DHRS7B: variants seen among roughly 807,000 people sequenced by gnomAD.
DHRS7B encodes the protein peroxisomal reductase activating PPAR-gamma.
DHRS7B carries 24 observed loss-of-function variants against 26.4 expected under a neutral mutation model. The ratio of observed to expected loss-of-function variants is 0.91; its 90% CI spans 0.66 to 1.28. The LOEUF (loss-of-function observed/expected upper bound fraction) is 1.28, where lower values mean the gene tolerates loss of function less well. DHRS7B is among the 50% of genes most tolerant of loss of function. The pLI, the probability that DHRS7B is intolerant of heterozygous loss-of-function variation, is 0.00. For missense variants in DHRS7B, 368 were observed against 419.4 expected (o/e 0.88, Z 1.07); for synonymous variants, 142 against 166.4 (o/e 0.85, Z 1.13).
chr17:21,174,020 C>T (rs1974319217), intron 2 of DHRS7B, among the ~76,000 whole-genome samples: 1 of 152,160 alleles, frequency 6.6e-6, no homozygotes, highest in Non-Finnish European at 1.5e-5. Flanking sequence ...CAGGCCCTTC[C>T]TGGATTCCAG....
intron 1 of DHRS7B, among the ~76,000 whole-genome samples, chr17:21,140,881 G>T (rs1973491981): frequency 6.6e-6 from 1 of 152,036 alleles, no homozygotes; most frequent in Non-Finnish European, 1.5e-5. Context: ...TCGATTATTT[G>T]CTTCCTGCCC....
intron 1 of DHRS7B, among the ~76,000 whole-genome samples, chr17:21,134,427 T>G (rs1216166768): frequency 6.6e-6 from 1 of 152,188 alleles, no homozygotes; most frequent in East Asian, 1.9e-4. Context: ...CCTCTTTAGG[T>G]TCCAAGATAA....
chr17:21,172,256 G>A (rs780518639), intron 2 of DHRS7B, 60 bp downstream of exon 2: 9 of 1,550,192 alleles, frequency 5.8e-6, no homozygotes, highest in Admixed American at 1.9e-5. Flanking sequence ...GATGAGGAGC[G>A]GCCCAGCTGC....
chr17:21,188,090 T>C (rs1001388294), intron 5 of DHRS7B, among the ~76,000 whole-genome samples: 2 of 152,132 alleles, frequency 1.3e-5, no homozygotes, highest in Non-Finnish European at 2.9e-5. Flanking sequence ...GACCTCGTGA[T>C]CCGCTCACCT....
intron 1 of DHRS7B, among the ~76,000 whole-genome samples, chr17:21,156,382 G>T (rs535125355): frequency 1.3e-5 from 2 of 152,054 alleles, no homozygotes; most frequent in Non-Finnish European, 2.9e-5. Flanking sequence ...GAGGCAGGTG[G>T]ATTACCTAAG....
At chr17:21,185,773 C>T (rs567817892) in intron 5 of DHRS7B, among the ~76,000 whole-genome samples, 13 of 152,034 alleles carry the variant, frequency 8.6e-5, no homozygotes, top group Admixed American at 2.0e-4. Context: ...CTACAACCTC[C>T]GCCTCCCGGG....
intron 3 of DHRS7B, among the ~76,000 whole-genome samples, chr17:21,179,477 G>A (rs576492510): frequency 4.7e-4 from 71 of 152,108 alleles, no homozygotes; most frequent in Non-Finnish European, 7.1e-4. Context: ...GTGCATGCCC[G>A]TAGTCCCAAC....
At chr17:21,170,988 C>T (rs1234049357) in intron 1 of DHRS7B, among the ~76,000 whole-genome samples, 1 of 152,072 alleles carries the variant, frequency 6.6e-6, no homozygotes, top group Non-Finnish European at 1.5e-5. Context: ...TCTTGGATTC[C>T]AGCCTCTTCC....
At chr17:21,128,078 G>A (rs1303657075) in intron 1 of DHRS7B, 1 of 152,102 alleles carries the variant, frequency 6.6e-6, no homozygotes, top group African/African-American at 2.4e-5. Flanking sequence ...TTTATTTATG[G>A]AGGGAGAAAT....
At chr17:21,190,244 C>T (rs145255915) in intron 6 of DHRS7B, among the ~76,000 whole-genome samples, 326 of 152,102 alleles carry the variant, frequency 2.1e-3, no homozygotes, top group Middle Eastern at 3.4e-3. Flanking sequence ...TCCTACTTTG[C>T]GGGCAAAATT....
intron 1 of DHRS7B, among the ~76,000 whole-genome samples, chr17:21,138,317 G>A (rs973399412): frequency 2.2e-5 from 3 of 135,974 alleles, no homozygotes; most frequent in African/African-American, 5.6e-5. Flanking sequence ...TCCGCCTCCC[G>A]GGTTCACACC....
chr17:21,163,923 A>G (rs572180725), intron 1 of DHRS7B, among the ~76,000 whole-genome samples: 3 of 152,004 alleles, frequency 2.0e-5, no homozygotes, highest in Non-Finnish European at 2.9e-5. Context: ...TCCTGAGCTC[A>G]AGTGATCCTC....
chr17:21,152,946 A>G (rs1486804319), intron 1 of DHRS7B, among the ~76,000 whole-genome samples: 1 of 147,140 alleles, frequency 6.8e-6, no homozygotes, highest in African/African-American at 2.4e-5. Context: ...CTACGTTACT[A>G]AAGGCCTGTT....
chr17:21,177,002 G>A (rs7213257), intron 2 of DHRS7B, among the ~76,000 whole-genome samples: 117,838 of 151,900 alleles, frequency 0.78, 46,101 homozygotes, highest in Non-Finnish European at 0.83. Context: ...CCATCACTCC[G>A]TTTCCTTTCT....
chr17:21,168,793 C>T (rs2144101055), intron 1 of DHRS7B: 4 of 985,490 alleles, frequency 4.1e-6, no homozygotes, highest in Admixed American at 6.1e-5. Context: ...CACCCGGCGC[C>T]ATGTTTGCCT....
intron 1 of DHRS7B, among the ~76,000 whole-genome samples, chr17:21,165,012 T>C (rs1353299449): frequency 4.6e-5 from 7 of 152,262 alleles, no homozygotes; most frequent in Non-Finnish European, 1.0e-4. Flanking sequence ...TCAGTCAGTT[T>C]ATGATTCAAC....
At chr17:21,184,545 T>C (rs561781197) in intron 5 of DHRS7B, 82 bp downstream of exon 5, 2 of 1,365,242 alleles carry the variant, frequency 1.5e-6, no homozygotes, top group East Asian at 4.6e-5. Flanking sequence ...CTATCTAGAA[T>C]TTAGACATTG....
chr17:21,156,802 A>G (rs1036673821), intron 1 of DHRS7B, among the ~76,000 whole-genome samples: 4 of 151,376 alleles, frequency 2.6e-5, no homozygotes, highest in Admixed American at 1.3e-4. Context: ...CATCCCAGCT[A>G]TTCGGGGGGC....
chr17:21,135,569 A>C (rs571377485), intron 1 of DHRS7B, among the ~76,000 whole-genome samples: 3 of 152,362 alleles, frequency 2.0e-5, no homozygotes, highest in Admixed American at 6.5e-5. Flanking sequence ...GAGAAGAATT[A>C]ATTTTGCAAA....
Sources: gnomAD v4.1 joint callset for allele counts (sites outside exome capture counted in the v4.1 genomes callset) on GRCh38, gnomAD v4.1.1 for gene constraint, MANE v1.5 for transcripts, NCBI Gene and HGNC (gene_info 2026-07-23, HGNC 2026-07-21) for gene names.